Variants in PACSIN2 observed in about 807,000 individuals in gnomAD.
PACSIN2 encodes protein kinase C and casein kinase substrate in neurons protein 2.
In PACSIN2, 25 loss-of-function variants were observed where a neutral mutation model predicts 63.8. That is an observed-to-expected ratio of 0.39 (90% CI 0.29 to 0.55). The LOEUF (loss-of-function observed/expected upper bound fraction) is 0.55. Among genes scored for constraint, PACSIN2 ranks in the 20% least tolerant of loss-of-function variants. The pLI, the probability that PACSIN2 is intolerant of heterozygous loss-of-function variation, is 0.62. For missense variants in PACSIN2, 518 were observed against 646.9 expected (o/e 0.80, Z 2.16); for synonymous variants, 255 against 256.2 (o/e 1.00, Z 0.05).
chr22:42,882,315 G>C lies in PACSIN2; in HGVS notation c.786-11C>G, dbSNP rs780802834. Reference sequence around the variant, plus strand: ...TAAATGGCTTTGTAGCTAAATCAGAGAGAAACGTGGCTCTTTTAGAAGGCA... The same window carrying C: ...TAAATGGCTTTGTAGCTAAATCAGACAGAAACGTGGCTCTTTTAGAAGGCA... On this transcript the variant is annotated splice_polypyrimidine_tract_variant and intron_variant, in intron 6 of 10. Coordinates refer to ENST00000263246, the MANE Select transcript of PACSIN2 (RefSeq NM_001184970.3). The C allele has an allele frequency of 1.9e-6, 3 of 1,602,352 alleles. No individual in the cohort carries two copies. The highest frequency in any genetic ancestry group is 8.5e-7 in the Non-Finnish European group (1 of 1,173,042).
chr22:42,902,577 C>A (rs942161467), intron 2 of PACSIN2, among the ~76,000 whole-genome samples: 38 of 152,146 alleles, frequency 2.5e-4, no homozygotes, highest in Non-Finnish European at 7.3e-5. Context: ...CATGGTCAAC[C>A]AAACAACTCA....
At chr22:42,890,296 G>T (rs1220267914) in intron 4 of PACSIN2, among the ~76,000 whole-genome samples, 1 of 152,136 alleles carries the variant, frequency 6.6e-6, no homozygotes, top group African/African-American at 2.4e-5. Context: ...CACCGCGCCC[G>T]GCAAGGACTT....
At chr22:42,993,954 A>T (rs149750335) in intron 1 of PACSIN2, among the ~76,000 whole-genome samples, 1 of 152,340 alleles carries the variant, frequency 6.6e-6, no homozygotes, top group African/African-American at 2.4e-5. Context: ...GCTCACCCCC[A>T]AGCCACAGTA....
At chr22:42,920,842 G>A (rs1449666092) in intron 1 of PACSIN2, among the ~76,000 whole-genome samples, 9 of 122,104 alleles carry the variant, frequency 7.4e-5, no homozygotes, top group Middle Eastern at 0.011. Flanking sequence ...TCGGTCTGCC[G>A]CCCAGGCTGA....
intron 2 of PACSIN2, among the ~76,000 whole-genome samples, chr22:42,902,910 G>A (rs1383703685): frequency 6.6e-6 from 1 of 152,152 alleles, no homozygotes; most frequent in African/African-American, 2.4e-5. Context: ...CACCGCGCCC[G>A]GCCTATTTAT....
chr22:43,008,862 G>C (rs1263217435), intron 1 of PACSIN2, among the ~76,000 whole-genome samples: 1 of 152,232 alleles, frequency 6.6e-6, no homozygotes, highest in East Asian at 1.9e-4. Flanking sequence ...CAAGTGCTAA[G>C]CAACTGAGAA....
rs148549628 is a variant in PACSIN2, at chr22:42,970,988, C to T, written c.-78+44033G>A. Among the ~76,000 whole-genome samples the T allele has an allele frequency of 1.8e-3, 274 of 152,332 alleles. 2 individuals are homozygous for T. Among genetic ancestry groups the T allele is most frequent in the Non-Finnish European group, 2.8e-3 (191 of 68,018 alleles). ...ACAGCCCTCTCTGCTACAGCCTACC[C>T]CTGCACCACCTCTCACCACTCAGCA... is the stretch of plus-strand genomic sequence containing the variant. On this transcript the variant is annotated intron_variant, in intron 1 of 10. Coordinates refer to ENST00000263246, the MANE Select transcript of PACSIN2 (RefSeq NM_001184970.3).
rs372652304 is a variant in PACSIN2 at position 42,910,442 on chromosome 22, C to CA, written c.60+1578dup. On this transcript the variant is annotated intron_variant, in intron 2 of 10. Coordinates refer to ENST00000263246, the MANE Select transcript of PACSIN2 (RefSeq NM_001184970.3). ...ATAAGCGCTCCTGCACTAATGAGGC[C>CA]ACAGCCTCTCTGGGGGGGCCAGCCA... Among the ~76,000 whole-genome samples the CA allele has an allele frequency of 7.5e-3, 1,144 of 152,318 alleles. 7 individuals are homozygous for CA. The highest frequency in any genetic ancestry group is 0.014 in the Middle Eastern group (4 of 294).
intron 2 of PACSIN2, 104 bp from the exon 3 acceptor site, chr22:42,893,717 G>T: frequency 8.6e-7 from 1 of 1,165,106 alleles, no homozygotes; most frequent in Non-Finnish European, 1.2e-6. Flanking sequence ...CGCCCCTGGG[G>T]TCATGTTTAC....
chr22:42,965,941 ATAAT>A lies in PACSIN2; in HGVS notation c.-78+49076_-78+49079del, dbSNP rs1216041663. On this transcript the variant is annotated intron_variant, in intron 1 of 10. Transcript: ENST00000263246. ...TAAATAAATAATCATAAATAAATAAATAATCATAAATAAATTATGTGAAAATGTG... is the reference window on the plus strand; with the variant it reads ...TAAATAAATAATCATAAATAAATAAACATAAATAAATTATGTGAAAATGTG... Among the ~76,000 whole-genome samples, 35 of 28,410 alleles carry A rather than the reference ATAAT, an allele frequency of 1.2e-3. No homozygotes were observed. In the Admixed American group the frequency reaches 0.024, roughly 20 times the overall value. 18.6% of individuals were successfully genotyped at this position (28,410 alleles called of 152,430 possible). A position where few individuals can be genotyped will look rare whatever the true frequency, so the allele number is the denominator to read the frequency against.
intron 1 of PACSIN2, among the ~76,000 whole-genome samples, chr22:42,927,946 G>A (rs192953701): frequency 6.6e-6 from 1 of 152,254 alleles, no homozygotes; most frequent in East Asian, 1.9e-4. Context: ...ACTGAGCCGA[G>A]CCCTCATGTC....
intron 4 of PACSIN2, among the ~76,000 whole-genome samples, chr22:42,889,210 T>C (rs1327108308): frequency 6.6e-6 from 1 of 151,796 alleles, no homozygotes; most frequent in African/African-American, 2.4e-5. Context: ...AGCACGCACA[T>C]GGAACACGCA....
chr22:42,900,555 G>A (rs1452872258), intron 2 of PACSIN2, among the ~76,000 whole-genome samples: 1 of 152,126 alleles, frequency 6.6e-6, no homozygotes, highest in Non-Finnish European at 1.5e-5. Flanking sequence ...AATCACAGAG[G>A]CGCAACCTTC....
intron 1 of PACSIN2, among the ~76,000 whole-genome samples, chr22:42,951,151 A>G (rs1933673423): frequency 6.6e-6 from 1 of 152,176 alleles, no homozygotes. Flanking sequence ...AAAGGAAGAT[A>G]AGGCAGCACG....
chr22:42,994,616 C>T (rs562406544), intron 1 of PACSIN2, among the ~76,000 whole-genome samples: 1 of 152,314 alleles, frequency 6.6e-6, no homozygotes, highest in South Asian at 2.1e-4. Context: ...GTTACTGGGG[C>T]AGGGAATTCC....
At chr22:42,980,048 T>G (rs750188926) in intron 1 of PACSIN2, among the ~76,000 whole-genome samples, 25 of 151,912 alleles carry the variant, frequency 1.6e-4, no homozygotes, top group Non-Finnish European at 2.8e-4. Context: ...TTAAAACAAG[T>G]TTCTATTAAA....
In PACSIN2 at chr22:42,888,910, G is replaced by T. The variant is rs144575235; in HGVS notation, c.454-112C>A. On this transcript the variant is annotated intron_variant, in intron 4 of 10. Transcript: ENST00000263246. ...GCTACCAAGAGGGGAGAAAAAGGCA[G>T]GTACAAAATTGTATGTATACTATCA... 249 of 1,076,514 alleles carry T rather than the reference G, an allele frequency of 2.3e-4. 1 individual carries two copies. The African/African-American group carries it at 3.6e-3, about 16-fold the overall frequency. The allele number at this position is 1,076,514 out of a possible 1,614,324, so 66.7% of individuals were successfully genotyped here.
At chr22:42,943,280 GT>G (rs1933258152) in intron 1 of PACSIN2, among the ~76,000 whole-genome samples, 2 of 152,098 alleles carry the variant, frequency 1.3e-5, no homozygotes, top group South Asian at 2.1e-4. Context: ...AATTCTAAGA[GT>G]TTTTTTGGTG....
rs780838692 is a variant in PACSIN2 at position 42,879,105 on chromosome 22, A to G, written c.971T>C (p.Val324Ala). Reference protein sequence around the residue: ...RREKKKATDGVTLTGINQTGD... With the variant: ...RREKKKATDGATLTGINQTGD... ...TGTCTGGTTGATGCCCGTCAGGGTG[A>G]CGCCGTCAGTGGCCTTCTTCTTCTC... The change falls in exon 8 of 11, where the codon GTC (valine) becomes GCC (alanine). Residue 324 changes from valine to alanine, a missense_variant. Physicochemically the swap from Val to Ala is moderately conservative, Grantham distance 64. This residue lies in a region of PACSIN2 where 507 missense variants were observed against 612.3 expected (regional missense o/e 0.83). Coordinates refer to ENST00000263246, the MANE Select transcript of PACSIN2 (RefSeq NM_001184970.3). 6.2e-7 allele frequency: 1 copy of G among 1,614,122 alleles called. No individual in the cohort carries two copies. Among genetic ancestry groups the G allele is most frequent in the Non-Finnish European group, 8.5e-7 (1 of 1,180,000 alleles).
Sources: gnomAD v4.1 joint callset for allele counts (sites outside exome capture counted in the v4.1 genomes callset) on GRCh38, gnomAD v4.1.1 for gene constraint, gnomAD v4.1.1 regional missense constraint, MANE v1.5 for transcripts, NCBI Gene and HGNC (gene_info 2026-07-23, HGNC 2026-07-21) for gene names.